Variants in MGAT4C observed in about 807,000 individuals in gnomAD.
MGAT4C encodes MGAT4 family member C, also known as alpha-1,3-mannosyl-glycoprotein 4-beta-N-acetylglucosaminyltransferase C.
In MGAT4C, 19 loss-of-function variants were observed where a neutral mutation model predicts 40.1. The ratio of observed to expected loss-of-function variants is 0.47; its 90% CI spans 0.33 to 0.70. The LOEUF is 0.70. Among genes scored for constraint, MGAT4C ranks in the 30% least tolerant of loss-of-function variants. The probability of loss-of-function intolerance (pLI) is 0.02; values close to 1 mark genes in which losing one functional copy is unlikely to be tolerated. For missense variants in MGAT4C, 491 were observed against 563.2 expected (o/e 0.87, Z 1.30); for synonymous variants, 181 against 187.1 (o/e 0.97, Z 0.27).
intron 1 of MGAT4C, among the ~76,000 whole-genome samples, chr12:86,090,168 T>C (rs79176030): frequency 0.022 from 3,372 of 151,778 alleles, 51 homozygotes; most frequent in Non-Finnish European, 0.034. Context: ...TGTTTGCTGA[T>C]AGCTTCTAAG....
chr12:86,312,640 T>C (rs1053535869), intron 4 of MGAT4C, among the ~76,000 whole-genome samples: 6 of 152,142 alleles, frequency 3.9e-5, no homozygotes, highest in Non-Finnish European at 5.9e-5. Flanking sequence ...ATAATACAAG[T>C]TCTTTCATTC....
At chr12:86,038,029 G>T (rs1212218238) in intron 2 of MGAT4C, among the ~76,000 whole-genome samples, 1 of 149,468 alleles carries the variant, frequency 6.7e-6, no homozygotes, top group Non-Finnish European at 1.5e-5. Flanking sequence ...TGGGTCCAGG[G>T]GGCCAATGCT....
intron 3 of MGAT4C, among the ~76,000 whole-genome samples, chr12:86,424,725 T>C (rs919994170): frequency 7.2e-5 from 11 of 152,142 alleles, no homozygotes; most frequent in African/African-American, 2.4e-4. Flanking sequence ...TTAATTCTTA[T>C]AACAATCTAA....
At chr12:86,456,305 G>A (rs757121947) in intron 2 of MGAT4C, among the ~76,000 whole-genome samples, 5 of 152,090 alleles carry the variant, frequency 3.3e-5, no homozygotes, top group East Asian at 1.9e-4. Context: ...TTTGGGCAGC[G>A]GAAGAGCCAC....
intron 3 of MGAT4C, among the ~76,000 whole-genome samples, chr12:86,349,643 T>A (rs2136190812): frequency 6.6e-6 from 1 of 152,292 alleles, no homozygotes; most frequent in South Asian, 2.1e-4. Flanking sequence ...GAAAGTACAC[T>A]TGGCCACTGA....
intron 3 of MGAT4C, among the ~76,000 whole-genome samples, chr12:86,411,640 A>G (rs1956606569): frequency 6.6e-6 from 1 of 152,214 alleles, no homozygotes; most frequent in African/African-American, 2.4e-5. Context: ...GAAGCAGACT[A>G]TAAAAGTGTG....
At chr12:86,153,503 A>C (rs74370987) in intron 1 of MGAT4C, among the ~76,000 whole-genome samples, 19 of 152,306 alleles carry the variant, frequency 1.2e-4, no homozygotes, top group African/African-American at 4.6e-4. Flanking sequence ...AAATGGGTCC[A>C]TGATATGGTT....
At chr12:86,234,192 G>A (rs1951439708) in intron 1 of MGAT4C, among the ~76,000 whole-genome samples, 2 of 152,150 alleles carry the variant, frequency 1.3e-5, no homozygotes, top group South Asian at 4.2e-4. Context: ...CCCTAAAGAT[G>A]AATTCCAGAG....
At chr12:85,981,985 C>A (rs2136689779) in intron 4 of MGAT4C, among the ~76,000 whole-genome samples, 1 of 152,140 alleles carries the variant, frequency 6.6e-6, no homozygotes, top group East Asian at 1.9e-4. Context: ...GAACAGTAGA[C>A]ATTTCAAATG....
chr12:86,794,817 T>C (rs1252995149), intron 1 of MGAT4C, among the ~76,000 whole-genome samples: 1 of 151,856 alleles, frequency 6.6e-6, no homozygotes, highest in Non-Finnish European at 1.5e-5. Context: ...CTTATTGATA[T>C]AATAAAATAT....
chr12:86,546,411 G>C (rs141883867), intron 2 of MGAT4C, among the ~76,000 whole-genome samples: 2 of 151,858 alleles, frequency 1.3e-5, no homozygotes, highest in East Asian at 3.9e-4. Context: ...TTTTTCTATT[G>C]CATCTCTGCA....
chr12:86,594,083 C>A (rs1013568796), intron 2 of MGAT4C, among the ~76,000 whole-genome samples: 1 of 152,140 alleles, frequency 6.6e-6, no homozygotes, highest in South Asian at 2.1e-4. Context: ...AGTACTGTGT[C>A]CAAGGTAGAT....
At chr12:86,423,628 G>A (rs917593619) in intron 3 of MGAT4C, among the ~76,000 whole-genome samples, 2 of 152,074 alleles carry the variant, frequency 1.3e-5, no homozygotes, top group African/African-American at 4.8e-5. Context: ...ATAATTTTAA[G>A]TTTAATGATA....
chr12:86,379,301 C>T (rs777993478), intron 3 of MGAT4C, among the ~76,000 whole-genome samples: 25 of 152,008 alleles, frequency 1.6e-4, no homozygotes, highest in Non-Finnish European at 2.4e-4. Flanking sequence ...CCCATGTGGA[C>T]GAAAATGCTT....
chr12:86,248,681 A>ACACCAC (rs893104171), intron 1 of MGAT4C, among the ~76,000 whole-genome samples: 5 of 152,084 alleles, frequency 3.3e-5, no homozygotes, highest in African/African-American at 1.2e-4. Flanking sequence ...TTTTCTTGAT[A>ACACCAC]CACCACCACC....
chr12:86,261,462 C>A (rs1274268846), intron 4 of MGAT4C, among the ~76,000 whole-genome samples: 1 of 152,004 alleles, frequency 6.6e-6, no homozygotes, highest in African/African-American at 2.4e-5. Context: ...ACCTAGAAGG[C>A]TGAAATGTCA....
At chr12:86,310,169 GC>G (rs1442476073) in intron 4 of MGAT4C, among the ~76,000 whole-genome samples, 1 of 147,342 alleles carries the variant, frequency 6.8e-6, no homozygotes, top group Non-Finnish European at 1.5e-5. Flanking sequence ...TTTTTTTTTT[GC>G]CTGAGGTCAG....
chr12:86,392,878 G>T (rs1054748404), intron 3 of MGAT4C, among the ~76,000 whole-genome samples: 8 of 152,138 alleles, frequency 5.3e-5, no homozygotes, highest in Non-Finnish European at 5.9e-5. Flanking sequence ...ACAATCATAT[G>T]ATTATTGATC....
intron 2 of MGAT4C, among the ~76,000 whole-genome samples, chr12:85,999,252 G>T (rs1489046903): frequency 6.6e-6 from 1 of 152,046 alleles, no homozygotes; most frequent in Non-Finnish European, 1.5e-5. Context: ...TGTGGGAGTT[G>T]CAGTTCAAGA....
Sources: gnomAD v4.1 joint callset for allele counts (sites outside exome capture counted in the v4.1 genomes callset) on GRCh38, gnomAD v4.1.1 for gene constraint, MANE v1.5 for transcripts, NCBI Gene and HGNC (gene_info 2026-07-23, HGNC 2026-07-21) for gene names.